The following CD4 variants were observed in gnomAD, a reference collection of about 807,000 sequenced individuals.
CD4 encodes T-cell surface glycoprotein CD4.
In CD4, 25 loss-of-function variants were observed where a neutral mutation model predicts 50.5. The observed-to-expected ratio is 0.49, with a 90% CI of 0.36 to 0.69. The LOEUF (loss-of-function observed/expected upper bound fraction) is 0.69. Ranked by LOEUF, CD4 falls within the 30% of genes least tolerant of loss-of-function variation. The probability of loss-of-function intolerance (pLI) is 0.00; values close to 1 mark genes in which losing one functional copy is unlikely to be tolerated. For synonymous variants in CD4, 207 were observed against 221.9 expected, an observed-to-expected ratio of 0.93 and a Z score of 0.60; for missense variants, 456 against 548.5, an observed-to-expected ratio of 0.83 and a Z score of 1.68.
chr12:6,805,256 G>A (rs114522110), intron 3 of CD4, among the ~76,000 whole-genome samples: 2 of 148,716 alleles, frequency 1.3e-5, no homozygotes, highest in Non-Finnish European at 3.0e-5. Context: ...AAATACTTAG[G>A]TGTAAATCTA....
At chr12:6,812,241 A>G (rs1395535754) in intron 3 of CD4, among the ~76,000 whole-genome samples, 2 of 152,182 alleles carry the variant, frequency 1.3e-5, no homozygotes, top group African/African-American at 2.4e-5. Context: ...TCTACTAAAA[A>G]TACAAAAATT....
At chr12:6,815,986 A>T (rs1943073229) in intron 5 of CD4, 70 bp from the exon 6 acceptor site, 1 of 1,598,208 alleles carries the variant, frequency 6.3e-7, no homozygotes, top group African/African-American at 1.3e-5. Context: ...CTGCCTCCAC[A>T]TGCCAACCCC....
chr12:6,819,220 G>C (rs1943205388), intron 9 of CD4, 79 bp from the exon 10 acceptor site: 1 of 1,422,458 alleles, frequency 7.0e-7, no homozygotes, highest in Non-Finnish European at 9.9e-7. Flanking sequence ...TGCTGCGCTG[G>C]AAAGGCCATT....
chr12:6,793,097 G>A (rs181649790), intron 1 of CD4, among the ~76,000 whole-genome samples: 99 of 152,252 alleles, frequency 6.5e-4, no homozygotes, highest in Admixed American at 9.2e-4. Flanking sequence ...CGCTGAGTAT[G>A]GGAATCAAAG....
chr12:6,815,441 C>T (rs1219844329), intron 5 of CD4, among the ~76,000 whole-genome samples: 1 of 152,146 alleles, frequency 6.6e-6, no homozygotes, highest in African/African-American at 2.4e-5. Flanking sequence ...CAAGGTCCTA[C>T]CCCAGATCCT....
intron 1 of CD4, among the ~76,000 whole-genome samples, chr12:6,794,839 C>T (rs1359270118): frequency 7.6e-6 from 1 of 131,202 alleles, no homozygotes; most frequent in South Asian, 2.6e-4. Context: ...GGCTGGAGTG[C>T]GGTGGCGCGA....
intron 3 of CD4, 25 bp from the exon 4 acceptor site, chr12:6,814,117 C>G (rs1555117428): frequency 6.2e-7 from 1 of 1,608,440 alleles, no homozygotes; most frequent in Admixed American, 1.7e-5. Context: ...GCCTCAGTCC[C>G]CCCCCATATG....
chr12:6,805,572 A>AAAG (rs1942724362), intron 3 of CD4, among the ~76,000 whole-genome samples: 1 of 151,774 alleles, frequency 6.6e-6, no homozygotes, highest in Non-Finnish European at 1.5e-5. Flanking sequence ...CGAAAAAAAA[A>AAAG]AAAAGAAAAA....
chr12:6,818,524 C>T lies in CD4; in HGVS notation c.1260C>T (p.Val420=). Residue 420 remains valine (V), a synonymous_variant, in exon 8 of 10, where the codon GTC becomes GTT. Coordinates refer to ENST00000011653, the MANE Select transcript of CD4 (RefSeq NM_000616.5). This position sits in a 1 kb window ranked among gnomAD's most constrained non-coding sequence, Gnocchi z 5.0. ...LFIGLGIFFC[V]RCRHRRRQAE... ...TTGGGCTAGGCATCTTCTTCTGTGT[C>T]AGGTGCCGGCACCGAAGGGTGAGTA... The T allele has an allele frequency of 1.2e-6, 2 of 1,612,970 alleles. No homozygotes were observed. The highest frequency in any genetic ancestry group is 1.7e-6 in the Non-Finnish European group (2 of 1,180,030).
chr12:6,817,454 C>T, intron 7 of CD4, 124 bp downstream of exon 7: 1 of 805,750 alleles, frequency 1.2e-6, no homozygotes, highest in Non-Finnish European at 2.0e-6. Flanking sequence ...ATGGTGTCCT[C>T]TGTGGTCCCA....
At chr12:6,808,369 T>C (rs147391350) in intron 3 of CD4, among the ~76,000 whole-genome samples, 832 of 29,784 alleles carry the variant, frequency 0.028, 6 homozygotes, top group African/African-American at 0.096. Context: ...GGAGAATCAC[T>C]TGAACCCAGG....
chr12:6,819,369 G>T lies in CD4; in HGVS notation c.*40G>T, dbSNP rs781854190. ...CAGATCCCACTTGCAGCCTCCCCAG[G>T]TGTCTGCCCCGCGTTTCCTGCCTGC... On this transcript the variant is annotated 3_prime_UTR_variant, in exon 10 of 10. Coordinates refer to ENST00000011653, the MANE Select transcript of CD4 (RefSeq NM_000616.5). 1.2e-6 allele frequency: 2 copies of T among 1,605,984 alleles called. No individual in the cohort carries two copies. Among genetic ancestry groups the T allele is most frequent in the South Asian group, 1.1e-5 (1 of 90,904 alleles).
chr12:6,796,917 C>T (rs1247100168), intron 1 of CD4, among the ~76,000 whole-genome samples: 1 of 152,198 alleles, frequency 6.6e-6, no homozygotes, highest in African/African-American at 2.4e-5. Flanking sequence ...CTCCCTGAGC[C>T]CTCTCTTTCC....
intron 3 of CD4, among the ~76,000 whole-genome samples, chr12:6,807,670 T>C (rs1473604603): frequency 3.3e-5 from 5 of 152,176 alleles, no homozygotes; most frequent in Admixed American, 3.3e-4. Flanking sequence ...GGTTGAGATA[T>C]AGTGCTACAG....
chr12:6,806,602 A>C (rs782486712), intron 3 of CD4, among the ~76,000 whole-genome samples: 1 of 152,352 alleles, frequency 6.6e-6, no homozygotes, highest in East Asian at 1.9e-4. Flanking sequence ...TCAAAACCAA[A>C]AAAATGAACA....
In CD4 at chr12:6,816,084, T is replaced by C. The variant is rs1555117873; in HGVS notation, c.636T>C (p.Tyr212=). 6.2e-7 allele frequency: 1 copy of C among 1,614,090 alleles called. No individual in the cohort carries two copies. Among genetic ancestry groups the C allele is most frequent in the South Asian group, 1.1e-5 (1 of 91,076 alleles). ...LAFQKASSIV[Y]KKEGEQVEFS... ...TCCAGAAGGCCTCCAGCATAGTCTA[T>C]AAGAAAGAGGGGGAACAGGTGGAGT... Residue 212 remains tyrosine (Y), a synonymous_variant, in exon 6 of 10, where the codon TAT becomes TAC. Transcript: ENST00000011653. This position sits in a 1 kb window ranked among gnomAD's most constrained non-coding sequence, Gnocchi z 4.9.
In CD4 at chr12:6,792,745, G is replaced by A. The variant is rs1416221989; in HGVS notation, c.-68+3083G>A. Among the ~76,000 whole-genome samples the A allele has an allele frequency of 1.3e-5, 2 of 152,202 alleles. No individual in the cohort carries two copies. On this transcript the variant is annotated intron_variant, in intron 1 of 9. Transcript: ENST00000011653. This position sits in a 1 kb window ranked among gnomAD's most constrained non-coding sequence, Gnocchi z 4.1. ...GAGGACTGTGTACAGACCGGAAGGA[G>A]CTAGAGCTTAGTGGCAGCCTGAGAG...
rs1555114951 is a variant in CD4 at position 6,800,111 on chromosome 12, G to T, written c.-28G>T. 6.8e-6 allele frequency: 11 copies of T among 1,612,498 alleles called. No homozygotes were observed. The highest frequency in any genetic ancestry group is 8.5e-6 in the Non-Finnish European group (10 of 1,178,908). Reference sequence around the variant, plus strand: ...GTGGGCTCAGGTCCCTACTGGCTCAGGCCCCTGCCTCCCTCGGCAAGGCCA... The same window carrying T: ...GTGGGCTCAGGTCCCTACTGGCTCATGCCCCTGCCTCCCTCGGCAAGGCCA... On this transcript the variant is annotated 5_prime_UTR_variant, in exon 2 of 10. In the 5' UTR this introduces an upstream ATG that the reference lacks. Transcript: ENST00000011653.
At chr12:6,813,718 C>G (rs1257820793) in intron 3 of CD4, 1 of 157,574 alleles carries the variant, frequency 6.3e-6, no homozygotes, top group Non-Finnish European at 1.4e-5. Context: ...CTGGTTTATT[C>G]TCCTACAATG....
Sources: allele counts gnomAD v4.1 joint callset (sites outside exome capture counted in the v4.1 genomes callset), GRCh38; gene constraint gnomAD v4.1.1; non-coding constraint Gnocchi (gnomAD v3.1); transcripts MANE v1.5; gene names NCBI Gene and HGNC (gene_info 2026-07-23, HGNC 2026-07-21).